The following FGF12 variants were observed in gnomAD, a reference collection of about 807,000 sequenced individuals.
FGF12 encodes the protein fibroblast growth factor 12B.
FGF12 carries 14 observed loss-of-function variants against 23.6 expected under a neutral mutation model. That is an observed-to-expected ratio of 0.59 (90% CI 0.39 to 0.93). The LOEUF (loss-of-function observed/expected upper bound fraction) is 0.93, where lower values mean the gene tolerates loss of function less well. Among genes scored for constraint, FGF12 ranks in the 40% least tolerant of loss-of-function variants. FGF12 has a pLI of 0.00. For missense variants in FGF12, 175 were observed against 217.8 expected (o/e 0.80, Z 1.24); for synonymous variants, 62 against 77.3 (o/e 0.80, Z 1.04).
chr3:192,561,956 T>C (rs1227324884), intron 2 of FGF12, among the ~76,000 whole-genome samples: 1 of 151,664 alleles, frequency 6.6e-6, no homozygotes, highest in Non-Finnish European at 1.5e-5. Flanking sequence ...TACATGAATA[T>C]TTCCAGAAGC....
chr3:192,711,241 G>C (rs919518147), intron 2 of FGF12, among the ~76,000 whole-genome samples: 1 of 144,318 alleles, frequency 6.9e-6, no homozygotes, highest in Non-Finnish European at 1.5e-5. Flanking sequence ...GGAGGGAGGT[G>C]GGGGCCAGCC....
chr3:192,623,713 G>C (rs1023141237), intron 2 of FGF12, among the ~76,000 whole-genome samples: 6 of 152,280 alleles, frequency 3.9e-5, no homozygotes, highest in African/African-American at 1.4e-4. Context: ...TGCAGATTCA[G>C]CAGAAGGAGG....
chr3:192,148,874 A>C (rs1933254781), intron 5 of FGF12, among the ~76,000 whole-genome samples: 1 of 152,228 alleles, frequency 6.6e-6, no homozygotes. Flanking sequence ...CTAGTATAGC[A>C]TCCATTTAGC....
chr3:192,715,497 C>T (rs993267901), intron 2 of FGF12, among the ~76,000 whole-genome samples: 4 of 152,206 alleles, frequency 2.6e-5, no homozygotes, highest in African/African-American at 9.7e-5. Flanking sequence ...CCAATGTTTT[C>T]ATTTTATCCC....
chr3:192,524,199 T>G (rs1337341333), intron 2 of FGF12, among the ~76,000 whole-genome samples: 1 of 152,200 alleles, frequency 6.6e-6, no homozygotes, highest in Non-Finnish European at 1.5e-5. Context: ...CTGCCCCTGG[T>G]TTTGATAGCA....
intron 2 of FGF12, among the ~76,000 whole-genome samples, chr3:192,623,668 C>T (rs1715055512): frequency 6.6e-6 from 1 of 152,168 alleles, no homozygotes; most frequent in South Asian, 2.1e-4. Context: ...ATGCTGTCCT[C>T]CTTAGGTGTA....
chr3:192,276,464 T>C (rs1311738735), intron 4 of FGF12, among the ~76,000 whole-genome samples: 1 of 152,218 alleles, frequency 6.6e-6, no homozygotes, highest in African/African-American at 2.4e-5. Flanking sequence ...TTAAAATTTA[T>C]GATTTCTTAT....
intron 2 of FGF12, among the ~76,000 whole-genome samples, chr3:192,378,025 C>CTTTCTCTCTCTTTCT (rs1719604520): frequency 1.3e-5 from 1 of 74,498 alleles, no homozygotes; most frequent in East Asian, 4.5e-4. Flanking sequence ...CTGACTCTTT[C>CTTTCTCTCTCTTTCT]TTTTCTTTCT....
intron 4 of FGF12, among the ~76,000 whole-genome samples, chr3:192,293,336 A>G (rs546351440): frequency 2.6e-5 from 4 of 152,352 alleles, no homozygotes; most frequent in African/African-American, 4.8e-5. Context: ...ATTCGTTAAC[A>G]GAAGAGAAAA....
At chr3:192,189,503 C>T (rs1272015538) in intron 4 of FGF12, among the ~76,000 whole-genome samples, 1 of 152,172 alleles carries the variant, frequency 6.6e-6, no homozygotes, top group African/African-American at 2.4e-5. Flanking sequence ...GCCCTATCCT[C>T]CCGGTACTTC....
intron 2 of FGF12, among the ~76,000 whole-genome samples, chr3:192,546,362 C>CT (rs1448813737): frequency 6.6e-6 from 1 of 151,546 alleles, no homozygotes; most frequent in Non-Finnish European, 1.5e-5. Context: ...GTGATCCCAG[C>CT]TTTTTAAGAT....
intron 2 of FGF12, among the ~76,000 whole-genome samples, chr3:192,677,840 A>G (rs1195949820): frequency 6.6e-6 from 1 of 152,188 alleles, no homozygotes; most frequent in Non-Finnish European, 1.5e-5. Context: ...CCTAATCCAT[A>G]CGTCTGGGGC....
chr3:192,310,733 C>T (rs1015992067), intron 4 of FGF12, among the ~76,000 whole-genome samples: 1 of 152,080 alleles, frequency 6.6e-6, no homozygotes, highest in Non-Finnish European at 1.5e-5. Flanking sequence ...TTTTTAAGTG[C>T]TGACAATAAT....
At chr3:192,598,767 C>T (rs114223149) in intron 2 of FGF12, among the ~76,000 whole-genome samples, 120 of 152,250 alleles carry the variant, frequency 7.9e-4, no homozygotes, top group Non-Finnish European at 1.4e-3. Context: ...GATTAAGCAA[C>T]CGTATTTCAA....
intron 2 of FGF12, chr3:192,534,061 T>C: frequency 5.1e-6 from 1 of 195,318 alleles, no homozygotes; most frequent in Non-Finnish European, 1.1e-5. Context: ...GTGGCACATC[T>C]CACACATACA....
chr3:192,471,657 A>T (rs1352815324), intron 2 of FGF12, among the ~76,000 whole-genome samples: 1 of 152,208 alleles, frequency 6.6e-6, no homozygotes, highest in Admixed American at 6.5e-5. Flanking sequence ...TTTCAAATCT[A>T]CTATTTAAAT....
chr3:192,209,889 C>G (rs1362194090), intron 4 of FGF12, among the ~76,000 whole-genome samples: 2 of 152,172 alleles, frequency 1.3e-5, no homozygotes, highest in Admixed American at 1.3e-4. Flanking sequence ...CTTGCAGGTT[C>G]TACACGTGAA....
intron 4 of FGF12, among the ~76,000 whole-genome samples, chr3:192,255,523 A>T (rs1220364421): frequency 6.6e-6 from 1 of 152,096 alleles, no homozygotes; most frequent in Non-Finnish European, 1.5e-5. Context: ...ATCATAGCAT[A>T]AAGTTTTCCA....
chr3:192,620,240 ACGCGCG>A (rs68096515), intron 2 of FGF12, among the ~76,000 whole-genome samples: 1 of 69,296 alleles, frequency 1.4e-5, no homozygotes, highest in Non-Finnish European at 2.5e-5. Flanking sequence ...TTACACACAC[ACGCGCG>A]CGCGCGCGCA....
Sources: gnomAD v4.1 joint callset for allele counts (sites outside exome capture counted in the v4.1 genomes callset) on GRCh38, gnomAD v4.1.1 for gene constraint, MANE v1.5 for transcripts, NCBI Gene and HGNC (gene_info 2026-07-23, HGNC 2026-07-21) for gene names.